The following SH3PXD2B variants were observed in gnomAD, a reference collection of about 807,000 sequenced individuals.
SH3PXD2B encodes SH3 and PX domain-containing protein 2B.
In SH3PXD2B, 37 loss-of-function variants were observed where a neutral mutation model predicts 73.1. That is an observed-to-expected ratio of 0.51 (90% confidence interval 0.39 to 0.67). The LOEUF (loss-of-function observed/expected upper bound fraction) is 0.67. Among genes scored for constraint, SH3PXD2B ranks in the 30% least tolerant of loss-of-function variants. The probability of loss-of-function intolerance (pLI) is 0.00; values close to 1 mark genes in which losing one functional copy is unlikely to be tolerated. For missense variants in SH3PXD2B, 1,053 were observed against 1,197.8 expected (o/e 0.88, Z 1.78); for synonymous variants, 457 against 480.5 (o/e 0.95, Z 0.64).
intron 12 of SH3PXD2B, among the ~76,000 whole-genome samples, chr5:172,343,885 C>T (rs1320972292): frequency 6.6e-6 from 1 of 151,766 alleles, no homozygotes; most frequent in Admixed American, 6.6e-5. Flanking sequence ...GGTTTCACAA[C>T]TCCATTGCTT....
rs1203027941 is a variant in SH3PXD2B, at chr5:172,368,498, A to ATATATATATATAAAATATATATATAT, written c.427+5291_427+5292insATATATATATATTTTATATATATATA. The stretch of plus-strand genomic sequence containing the variant: ...TATATATATAAAATATATATATATT[A>ATATATATATATAAAATATATATATAT]TATATATATATATAAAATATATATA... On this transcript the variant is annotated intron_variant, in intron 6 of 12. Transcript: ENST00000311601. 6.4e-3 allele frequency among the ~76,000 whole-genome samples: 37 copies of ATATATATATATAAAATATATATATAT among 5,826 alleles called. 3 individuals are homozygous for ATATATATATATAAAATATATATATAT. Among genetic ancestry groups the ATATATATATATAAAATATATATATAT allele is most frequent in the East Asian group, 0.016 (1 of 64 alleles). The allele number at this position is 5,826 out of a possible 152,430, so 3.8% of individuals were successfully genotyped here.
In SH3PXD2B at chr5:172,334,639, A is replaced by G. The variant is rs1287596843; in HGVS notation, c.*3730T>C. On this transcript the variant is annotated 3_prime_UTR_variant, in exon 13 of 13. Transcript: ENST00000311601. ...TGTAAGACTTGGGCACGATGAAAGG[A>G]CGGGGGTCCAGCTACGAATGTTTTT... 5.1e-6 allele frequency: 5 copies of G among 985,400 alleles called. No homozygotes were observed. Among genetic ancestry groups the G allele is most frequent in the Admixed American group, 6.1e-5 (1 of 16,274 alleles). The allele number at this position is 985,400 out of a possible 1,614,324, so 61.0% of individuals were successfully genotyped here.
At chr5:172,431,569 A>C (rs1482210797) in intron 1 of SH3PXD2B, among the ~76,000 whole-genome samples, 3 of 152,254 alleles carry the variant, frequency 2.0e-5, no homozygotes, top group Non-Finnish European at 2.9e-5. Flanking sequence ...GGAAAAGTTC[A>C]GGCATTATCT....
chr5:172,369,443 CAGTA>C (rs1234760801), intron 6 of SH3PXD2B, among the ~76,000 whole-genome samples: 1 of 151,978 alleles, frequency 6.6e-6, no homozygotes, highest in East Asian at 1.9e-4. Flanking sequence ...TACTAGGGCT[CAGTA>C]AGTGTCTGAA....
At chr5:172,372,122 A>T (rs1320149546) in intron 6 of SH3PXD2B, among the ~76,000 whole-genome samples, 1 of 152,136 alleles carries the variant, frequency 6.6e-6, no homozygotes, top group Admixed American at 6.6e-5. Context: ...GAGCTTTTGA[A>T]TTTGGAATTT....
At chr5:172,332,627 C>T (rs1340038965), downstream of SH3PXD2B, among the ~76,000 whole-genome samples, 3 of 152,006 alleles carry the variant, frequency 2.0e-5, no homozygotes, top group Non-Finnish European at 4.4e-5. Flanking sequence ...GCAAGGTCTG[C>T]AAGAAGGTTG....
At chr5:172,327,169 T>C (rs1386394679) in intron 12 of SH3PXD2B, among the ~76,000 whole-genome samples, 1 of 152,174 alleles carries the variant, frequency 6.6e-6, no homozygotes, top group South Asian at 2.1e-4. Flanking sequence ...CTGAAGATTG[T>C]TAATCTGAAG....
intron 6 of SH3PXD2B, among the ~76,000 whole-genome samples, chr5:172,370,505 C>T (rs1200278580): frequency 2.6e-5 from 4 of 152,176 alleles, no homozygotes; most frequent in South Asian, 4.1e-4. Flanking sequence ...GAGGGGAGAG[C>T]GCTCTGGGCT....
At chr5:172,413,075 T>C (rs7713684) in intron 2 of SH3PXD2B, among the ~76,000 whole-genome samples, 25,707 of 152,190 alleles carry the variant, frequency 0.17, 2,992 homozygotes, top group African/African-American at 0.33. Flanking sequence ...CAGCAGCCAT[T>C]GAGGCTGGAC....
chr5:172,437,887 G>A lies in SH3PXD2B; in HGVS notation c.76-15391C>T, dbSNP rs184943698. Among the ~76,000 whole-genome samples the A allele has an allele frequency of 5.5e-3, 838 of 152,120 alleles. 5 individuals carry two copies. Among genetic ancestry groups the A allele is most frequent in the Non-Finnish European group, 9.7e-3 (660 of 67,956 alleles). ...GTGCCAAATGGGGAAATGGCGGCAG[G>A]AGTAGGGGGAGAGGAGTAGCCTCCA... On this transcript the variant is annotated intron_variant, in intron 1 of 12. Coordinates refer to ENST00000311601, the MANE Select transcript of SH3PXD2B (RefSeq NM_001017995.3).
chr5:172,350,451 G>A lies in SH3PXD2B; in HGVS notation c.924C>T (p.Asn308=), dbSNP rs1199607816. 21 of 1,614,012 alleles carry A rather than the reference G, an allele frequency of 1.3e-5. No individual in the cohort carries two copies. The highest frequency in any genetic ancestry group is 1.6e-4 in the Middle Eastern group (1 of 6,072). The change falls in exon 10 of 13, where the codon AAC becomes AAT. Residue 308 remains asparagine (N), a synonymous_variant. Coordinates refer to ENST00000311601, the MANE Select transcript of SH3PXD2B (RefSeq NM_001017995.3). ...GCAGCTCCTTCTCCCTGCCCACCGC[G>A]TTCTGCTGCCGGGAAACACCATCCA... ...LDLDGVSRQQ[N]AVGREKELLS... is the part of the protein sequence containing the mutation.
chr5:172,360,988 A>C (rs1367909545), intron 7 of SH3PXD2B, among the ~76,000 whole-genome samples: 2 of 152,236 alleles, frequency 1.3e-5, no homozygotes, highest in Non-Finnish European at 2.9e-5. Flanking sequence ...CGGGCACTGA[A>C]TACTACGCAG....
intron 1 of SH3PXD2B, among the ~76,000 whole-genome samples, chr5:172,443,421 CA>C (rs1759592581): frequency 6.6e-6 from 1 of 152,196 alleles, no homozygotes; most frequent in Non-Finnish European, 1.5e-5. Flanking sequence ...TAAAGAACCC[CA>C]CTGCTAGTCA....
At position 172,422,509 on chromosome 5, in the gene SH3PXD2B, C is replaced by G; in HGVS notation, c.76-13G>C. 2 of 1,608,662 alleles carry G rather than the reference C, an allele frequency of 1.2e-6. No individual in the cohort carries two copies. On this transcript the variant is annotated splice_polypyrimidine_tract_variant and intron_variant, in intron 1 of 12. Coordinates refer to ENST00000311601, the MANE Select transcript of SH3PXD2B (RefSeq NM_001017995.3). ...GGATGATGTAGACCTGCGGGAGCAA[C>G]AGAGGAGATGGGTGTTAACACCAGA...
Position 172,335,394 on chromosome 5 carries a change from C to A in SH3PXD2B, c.*2975G>T. 3 of 1,224,622 alleles carry A rather than the reference C, an allele frequency of 2.4e-6. No homozygotes were observed. The highest frequency in any genetic ancestry group is 3.0e-6 in the Non-Finnish European group (3 of 984,168). 75.9% of individuals were successfully genotyped at this position (1,224,622 alleles called of 1,614,324 possible). A position where few individuals can be genotyped will look rare whatever the true frequency, so the allele number is the denominator to read the frequency against. On this transcript the variant is annotated 3_prime_UTR_variant, in exon 13 of 13. Coordinates refer to ENST00000311601, the MANE Select transcript of SH3PXD2B (RefSeq NM_001017995.3). Reference sequence around the variant, plus strand: ...CCTCCGCACACTTCCCTGCTAATGGCAGAGAAAAGTCATGGACACGAGGGA... The same window carrying A: ...CCTCCGCACACTTCCCTGCTAATGGAAGAGAAAAGTCATGGACACGAGGGA...
At position 172,338,505 on chromosome 5, in the gene SH3PXD2B, G is replaced by T. The variant is rs1756757288; in HGVS notation, c.2600C>A (p.Thr867Asn). 7.4e-6 allele frequency: 12 copies of T among 1,614,060 alleles called. No homozygotes were observed. Among genetic ancestry groups the T allele is most frequent in the African/African-American group, 2.7e-5 (2 of 74,924 alleles). Residue 867 changes from threonine (T) to asparagine (N), a missense_variant, in exon 13 of 13, where the codon ACC becomes AAC. Transcript: ENST00000311601. This position sits in a 1 kb window ranked among gnomAD's most constrained non-coding sequence, Gnocchi z 5.1. ...CACTGTCCCTTCCTGGAAGCTGCTG[G>T]TGTCTTTGTCTCCTTCAAAGTCGGC... is the stretch of plus-strand genomic sequence containing the variant. ...AVADFEGDKD[T>N]SSFQEGTVFE... is the part of the protein sequence containing the mutation.
chr5:172,453,020 T>C (rs1343152731), intron 1 of SH3PXD2B, among the ~76,000 whole-genome samples: 1 of 152,132 alleles, frequency 6.6e-6, no homozygotes, highest in Non-Finnish European at 1.5e-5. Context: ...AGCACACCCT[T>C]TCTTGTGGAG....
At chr5:172,384,246 G>A (rs1019032390) in intron 4 of SH3PXD2B, among the ~76,000 whole-genome samples, 5 of 152,100 alleles carry the variant, frequency 3.3e-5, no homozygotes, top group Admixed American at 6.5e-5. Context: ...GTGGACCAAC[G>A]GAGAGATGAA....
chr5:172,332,122 C>T (rs1234268059), downstream of SH3PXD2B, among the ~76,000 whole-genome samples: 3 of 152,258 alleles, frequency 2.0e-5, no homozygotes, highest in South Asian at 2.1e-4. Flanking sequence ...TCCCATGAGG[C>T]GGATGCCCCT....
Sources: gnomAD v4.1 joint callset for allele counts (sites outside exome capture counted in the v4.1 genomes callset) on GRCh38, gnomAD v4.1.1 for gene constraint, Gnocchi (gnomAD v3.1) non-coding constraint, MANE v1.5 for transcripts, NCBI Gene and HGNC (gene_info 2026-07-23, HGNC 2026-07-21) for gene names.